SFI1: variants seen among roughly 807,000 people sequenced by gnomAD.
SFI1 encodes protein SFI1 homolog.
Under a neutral mutation model 207.5 loss-of-function variants are expected in SFI1, and 195 were observed. The ratio of observed to expected loss-of-function variants is 0.94; its 90% CI spans 0.84 to 1.06. The LOEUF is 1.06. Among genes scored for constraint, SFI1 ranks in the 50% least tolerant of loss-of-function variants. SFI1 has a pLI of 0.00. For missense variants in SFI1, 1,634 were observed against 1,588.0 expected (o/e 1.03, Z -0.49); for synonymous variants, 630 against 598.9 (o/e 1.05, Z -0.76).
At position 31,594,139 on chromosome 22, in the gene SFI1, G is replaced by A. The variant is rs563647601; in HGVS notation, c.1544+4562G>A. On this transcript the variant is annotated intron_variant, in intron 15 of 32. Coordinates refer to ENST00000400288, the MANE Select transcript of SFI1 (RefSeq NM_001007467.3). ...CCATTAGCTTTCTGGATCAGAGCAC[G>A]GTGGGACCTTGCCTCACCTTGGCAG... 3.3e-5 allele frequency among the ~76,000 whole-genome samples: 5 copies of A among 152,268 alleles called. No individual in the cohort carries two copies. In the East Asian group the frequency reaches 7.7e-4, roughly 24 times the overall value.
At chr22:31,511,820 T>A (rs1354260685) in intron 2 of SFI1, among the ~76,000 whole-genome samples, 2 of 151,864 alleles carry the variant, frequency 1.3e-5, no homozygotes, top group East Asian at 3.9e-4. Flanking sequence ...GCCCAGGTAA[T>A]TTTTTTATAT....
In SFI1 at chr22:31,508,506, A is replaced by G. The variant is rs111711060; in HGVS notation, c.92+130A>G. 900 of 627,750 alleles carry G rather than the reference A, an allele frequency of 1.4e-3. 5 individuals are homozygous for G. Among genetic ancestry groups the G allele is most frequent in the Middle Eastern group, 7.6e-3 (17 of 2,250 alleles). The allele number at this position is 627,750 out of a possible 1,614,324, so 38.9% of individuals were successfully genotyped here. Reference sequence around the variant, plus strand: ...TGTGGGTAAGTTTTTTTTGTCATTGATATTTCAAATTTTTCATCTATAAGA... The same window carrying G: ...TGTGGGTAAGTTTTTTTTGTCATTGGTATTTCAAATTTTTCATCTATAAGA... On this transcript the variant is annotated intron_variant, in intron 2 of 32. Transcript: ENST00000400288.
chr22:31,553,483 G>A (rs1399800119), intron 6 of SFI1, among the ~76,000 whole-genome samples: 1 of 150,024 alleles, frequency 6.7e-6, no homozygotes, highest in Non-Finnish European at 1.5e-5. Context: ...AGCCTCCCGA[G>A]TAGCTGGGAC....
Position 31,618,127 on chromosome 22 carries a change from G to A in SFI1, c.3525G>A (p.Arg1175=). ...CTCCACCCCTCAGGTCCTGTCGGCG[G>A]CAAGCGAGCAGCCTGCGCAGGTGGC... is the stretch of plus-strand genomic sequence containing the variant. The part of the protein sequence containing the change: ...TTKQNLWSCR[R]QASSLRRWLE... Residue 1175 remains arginine, a synonymous_variant, in exon 32 of 33, where the codon CGG becomes CGA. Coordinates refer to ENST00000400288, the MANE Select transcript of SFI1 (RefSeq NM_001007467.3). 6.3e-7 allele frequency: 1 copy of A among 1,576,320 alleles called. No homozygotes were observed. Among genetic ancestry groups the A allele is most frequent in the Non-Finnish European group, 8.6e-7 (1 of 1,162,798 alleles).
Position 31,573,178 on chromosome 22 carries a change from T to A in SFI1, c.886T>A (p.Tyr296Asn). 6.2e-7 allele frequency: 1 copy of A among 1,614,082 alleles called. No individual in the cohort carries two copies. The highest frequency in any genetic ancestry group is 8.5e-7 in the Non-Finnish European group (1 of 1,180,008). Residue 296 changes from tyrosine to asparagine, a missense_variant, in exon 9 of 33, where the codon TAC (tyrosine) becomes AAC (asparagine). Physicochemically the swap from Tyr to Asn is moderately radical, Grantham distance 143 (BLOSUM62 -2). Coordinates refer to ENST00000400288, the MANE Select transcript of SFI1 (RefSeq NM_001007467.3). The stretch of plus-strand genomic sequence containing the variant: ...GAGATTTCTAAAGGCCTGGCTTGAA[T>A]ACCTGCAAGTCCGCAGAGTGAAGAG... ...KRRFLKAWLE[Y>N]LQVRRVKRQQ...
intron 4 of SFI1, among the ~76,000 whole-genome samples, chr22:31,535,233 A>G (rs1184077803): frequency 2.9e-5 from 4 of 135,962 alleles, no homozygotes; most frequent in South Asian, 2.3e-4. Context: ...TCCGTTGCCC[A>G]GGCTGGAGTG....
intron 2 of SFI1, among the ~76,000 whole-genome samples, chr22:31,516,003 A>G (rs1246077882): frequency 2.6e-5 from 4 of 151,788 alleles, no homozygotes; most frequent in Admixed American, 6.6e-5. Context: ...GCTGGGGCTT[A>G]GTACCTTTTT....
chr22:31,498,467 T>C (rs2053139354), intron 1 of SFI1, among the ~76,000 whole-genome samples: 1 of 151,766 alleles, frequency 6.6e-6, no homozygotes, highest in Non-Finnish European at 1.5e-5. Context: ...CCTGGCCAAC[T>C]TGAAGAAACC....
intron 24 of SFI1, 177 bp downstream of exon 24, chr22:31,612,017 G>T: frequency 7.1e-7 from 1 of 1,402,094 alleles, no homozygotes; most frequent in Non-Finnish European, 9.3e-7. Context: ...GCTTCCTTCC[G>T]TCTGCAGTCT....
intron 31 of SFI1, 142 bp downstream of exon 31, chr22:31,617,220 G>C (rs1395500999): frequency 6.2e-6 from 5 of 801,188 alleles, no homozygotes; most frequent in Non-Finnish European, 9.8e-6. Context: ...GGTGTGGGGA[G>C]CCCTCAGTGT....
In SFI1 at chr22:31,559,612, G is replaced by T. The variant is rs2061481708; in HGVS notation, c.663-1678G>T. 5.8e-6 allele frequency: 4 copies of T among 686,518 alleles called. No homozygotes were observed. In the African/African-American group the frequency reaches 7.0e-5, roughly 12 times the overall value. The allele number at this position is 686,518 out of a possible 1,614,324, so 42.5% of individuals were successfully genotyped here. On this transcript the variant is annotated intron_variant, in intron 7 of 32. Coordinates refer to ENST00000400288, the MANE Select transcript of SFI1 (RefSeq NM_001007467.3). ...TGTGGGTTGACAGTACACTCATAGT[G>T]TTGAGGAAAGCTGACGTTGACCTCA...
rs745561706 is a variant in SFI1, at chr22:31,529,566, G to A, written c.266+703G>A. 4.7e-4 allele frequency among the ~76,000 whole-genome samples: 72 copies of A among 152,142 alleles called. 1 individual carries two copies. The highest frequency in any genetic ancestry group is 8.7e-4 in the Non-Finnish European group (59 of 68,036). Reference sequence around the variant, plus strand: ...TTTATCTGGTGCTTACCCATGCCAGGTGTTACGCTAGATGCTGAGCATATA... The same window carrying A: ...TTTATCTGGTGCTTACCCATGCCAGATGTTACGCTAGATGCTGAGCATATA... On this transcript the variant is annotated intron_variant, in intron 3 of 32. Coordinates refer to ENST00000400288, the MANE Select transcript of SFI1 (RefSeq NM_001007467.3).
At position 31,550,278 on chromosome 22, in the gene SFI1, C is replaced by G; in HGVS notation, c.474C>G (p.Phe158Leu). ...HYRYYLYNLMFQTWKTYVRQQ... is the reference protein window; with the variant it reads ...HYRYYLYNLMLQTWKTYVRQQ... Reference sequence around the variant, plus strand: ...GGTATTACCTGTACAACCTGATGTTCCAGACGTGGAAGACCTATGTGCGTC... The same window carrying G: ...GGTATTACCTGTACAACCTGATGTTGCAGACGTGGAAGACCTATGTGCGTC... The change falls in exon 6 of 33, where the codon TTC becomes TTG. Residue 158 changes from phenylalanine to leucine, a missense_variant. Transcript: ENST00000400288. 1 of 1,614,000 alleles carries G rather than the reference C, an allele frequency of 6.2e-7. No individual in the cohort carries two copies. The highest frequency in any genetic ancestry group is 8.5e-7 in the Non-Finnish European group (1 of 1,179,968).
intron 1 of SFI1, among the ~76,000 whole-genome samples, chr22:31,499,620 C>T (rs981653009): frequency 1.1e-4 from 17 of 152,142 alleles, no homozygotes; most frequent in African/African-American, 2.9e-4. Flanking sequence ...GAAAGATGTT[C>T]TACTGTGGGT....
chr22:31,596,925 C>A (rs1370508904), intron 15 of SFI1, among the ~76,000 whole-genome samples: 1 of 149,916 alleles, frequency 6.7e-6, no homozygotes, highest in Non-Finnish European at 1.5e-5. Context: ...ACACACGGTA[C>A]CCGTTTCTAA....
At chr22:31,570,596 T>C (rs1254292037) in intron 8 of SFI1, among the ~76,000 whole-genome samples, 1 of 152,116 alleles carries the variant, frequency 6.6e-6, no homozygotes, top group African/African-American at 2.4e-5. Context: ...AGTAGGCAGA[T>C]GGTATGTAAA....
rs1365746432 is a variant in SFI1, at chr22:31,613,227, C to T, written c.2565+11C>T. The T allele has an allele frequency of 6.2e-7, 1 of 1,613,550 alleles. No homozygotes were observed. The highest frequency in any genetic ancestry group is 1.1e-5 in the South Asian group (1 of 91,070). On this transcript the variant is annotated intron_variant, in intron 25 of 32. Coordinates refer to ENST00000400288, the MANE Select transcript of SFI1 (RefSeq NM_001007467.3). ...TCGCTGCAGGCAAAGGTAATTGGGG[C>T]TCTGCATCCTACCATCCCTGCCTCT...
At position 31,608,823 on chromosome 22, in the gene SFI1, T is replaced by G. The variant is rs575527117; in HGVS notation, c.2254+790T>G. On this transcript the variant is annotated intron_variant, in intron 22 of 32. Coordinates refer to ENST00000400288, the MANE Select transcript of SFI1 (RefSeq NM_001007467.3). ...GACTTTCTAATTCGATCTCAGGAAG[T>G]CCTGCTGCCTGCTGTATATACATCT... is the stretch of plus-strand genomic sequence containing the variant. 8.7e-4 allele frequency among the ~76,000 whole-genome samples: 133 copies of G among 152,170 alleles called. 2 individuals are homozygous for G. The highest frequency in any genetic ancestry group is 1.0e-3 in the Non-Finnish European group (71 of 68,006).
intron 15 of SFI1, among the ~76,000 whole-genome samples, chr22:31,598,789 C>CTT (rs1203871840): frequency 0.011 from 688 of 64,414 alleles, 96 homozygotes; most frequent in African/African-American, 0.044. Flanking sequence ...TCCAGTTTAT[C>CTT]TTTTTTTTTT....
Sources: allele counts gnomAD v4.1 joint callset (sites outside exome capture counted in the v4.1 genomes callset), GRCh38; gene constraint gnomAD v4.1.1; transcripts MANE v1.5; gene names NCBI Gene and HGNC (gene_info 2026-07-23, HGNC 2026-07-21).